The following DOCK1 variants were observed in gnomAD, a reference collection of about 807,000 sequenced individuals.
The protein encoded by DOCK1 is dedicator of cytokinesis protein 1.
In DOCK1, 138 loss-of-function variants were observed where a neutral mutation model predicts 262.7. The ratio of observed to expected loss-of-function variants is 0.53; its 90% CI spans 0.46 to 0.61. The LOEUF is 0.61. Among genes scored for constraint, DOCK1 ranks in the 20% least tolerant of loss-of-function variants. The pLI is 0.00. For synonymous variants in DOCK1, 866 were observed against 867.4 expected (o/e 1.00, Z 0.03); for missense variants, 1,908 against 2,370.7 (o/e 0.80, Z 4.05).
At chr10:127,399,238 C>T (rs1432078992) in intron 38 of DOCK1, among the ~76,000 whole-genome samples, 1 of 152,192 alleles carries the variant, frequency 6.6e-6, no homozygotes, top group Non-Finnish European at 1.5e-5. Flanking sequence ...TGGCAAACCT[C>T]ATAAGCCTGT....
chr10:127,098,661 G>A (rs2048053870), intron 23 of DOCK1, among the ~76,000 whole-genome samples: 1 of 152,138 alleles, frequency 6.6e-6, no homozygotes. Flanking sequence ...CCCTGACCTT[G>A]TCTACCATGG....
At chr10:127,253,874 CAA>C (rs575042004) in intron 28 of DOCK1, among the ~76,000 whole-genome samples, 16 of 101,474 alleles carry the variant, frequency 1.6e-4, no homozygotes, top group South Asian at 5.0e-4. Context: ...GACCCTGTCT[CAA>C]AAAAAAAAAA....
In DOCK1 at chr10:127,018,802, C is replaced by T. The variant is rs1253159583; in HGVS notation, c.1294C>T (p.Arg432Ter). The T allele has an allele frequency of 1.9e-6, 3 of 1,613,784 alleles. No individual in the cohort carries two copies. The highest frequency in any genetic ancestry group is 2.5e-6 in the Non-Finnish European group (3 of 1,179,856). ...HLVDRTTAVA[R>*]KTGFPEIIMP... The stretch of plus-strand genomic sequence containing the variant: ...AGTGGACAGGACCACAGCTGTGGCT[C>T]GAAAAACAGGGTTTCCGGAGATAAT... Residue 432 changes from arginine to a stop codon, truncating the protein, a stop_gained, in exon 13 of 52, where the codon CGA (arginine) becomes TGA (stop). Coordinates refer to ENST00000623213, the MANE Select transcript of DOCK1 (RefSeq NM_001290223.2). LOFTEE classifies it high-confidence loss of function.
intron 22 of DOCK1, among the ~76,000 whole-genome samples, 175 bp from the exon 23 acceptor site, chr10:127,061,493 A>C (rs1021809398): frequency 6.6e-6 from 1 of 152,236 alleles, no homozygotes; most frequent in Non-Finnish European, 1.5e-5. Context: ...GCCTTGGCTG[A>C]GTGGTCTGCA....
chr10:127,188,129 A>T (rs953128931), intron 27 of DOCK1, among the ~76,000 whole-genome samples: 5 of 152,210 alleles, frequency 3.3e-5, no homozygotes, highest in Non-Finnish European at 5.9e-5. Flanking sequence ...CCTGGACATC[A>T]GCCAGGTGTT....
At chr10:127,321,693 G>A (rs767995274) in intron 29 of DOCK1, among the ~76,000 whole-genome samples, 2 of 151,224 alleles carry the variant, frequency 1.3e-5, no homozygotes, top group African/African-American at 2.4e-5. Flanking sequence ...CCTCTGCAGC[G>A]TCCTTCCCTT....
intron 1 of DOCK1, among the ~76,000 whole-genome samples, chr10:126,945,181 C>T (rs1055216252): frequency 0.02 from 2,984 of 152,176 alleles, 98 homozygotes; most frequent in African/African-American, 0.068. Context: ...AGCTGGGCCC[C>T]CAGCTCAGGC....
Position 127,437,505 on chromosome 10 carries a change from A to G in DOCK1, c.5061-1522A>G, listed in dbSNP as rs1591058676. ...TTTTTTTTTTTTTTTTTTTTGAGACAGGATCTGGCTCTGTCACCCAGGCTG... is the reference window on the plus strand; with the variant it reads ...TTTTTTTTTTTTTTTTTTTTGAGACGGGATCTGGCTCTGTCACCCAGGCTG... On this transcript the variant is annotated intron_variant, in intron 48 of 51. Coordinates refer to ENST00000623213, the MANE Select transcript of DOCK1 (RefSeq NM_001290223.2). This position sits in a 1 kb window ranked among gnomAD's most constrained non-coding sequence, Gnocchi z 4.4. 6.8e-6 allele frequency among the ~76,000 whole-genome samples: 1 copy of G among 147,620 alleles called. No homozygotes were observed. The highest frequency in any genetic ancestry group is 2.1e-4 in the South Asian group (1 of 4,674).
chr10:126,926,444 T>C (rs1053741288), intron 1 of DOCK1, among the ~76,000 whole-genome samples: 2 of 152,202 alleles, frequency 1.3e-5, no homozygotes, highest in African/African-American at 4.8e-5. Context: ...TATATTTACA[T>C]GTCAACTTAA....
At chr10:127,280,817 CCTT>C (rs1404340943) in intron 29 of DOCK1, among the ~76,000 whole-genome samples, 1 of 151,998 alleles carries the variant, frequency 6.6e-6, no homozygotes, top group African/African-American at 2.4e-5. Context: ...TTGTTTTTCT[CCTT>C]TTCATTTTTT....
chr10:127,214,096 C>T lies in DOCK1; in HGVS notation c.2848-33912C>T, dbSNP rs1166216553. 4.6e-5 allele frequency among the ~76,000 whole-genome samples: 7 copies of T among 152,168 alleles called. No homozygotes were observed. In the East Asian group the frequency reaches 1.3e-3, roughly 29 times the overall value. On this transcript the variant is annotated intron_variant, in intron 27 of 51. Transcript: ENST00000623213. ...TCACCTGACCTTGTGATCCACTCGC[C>T]TCGGCGTCCCAAAGTGCTGGGGTTA...
chr10:127,107,069 C>T (rs997505702), intron 24 of DOCK1, among the ~76,000 whole-genome samples: 2 of 152,176 alleles, frequency 1.3e-5, no homozygotes, highest in Non-Finnish European at 2.9e-5. Flanking sequence ...GCACCCCTCC[C>T]GCCTCTGCCT....
chr10:127,005,215 G>A (rs767975605), intron 10 of DOCK1, among the ~76,000 whole-genome samples: 4 of 152,022 alleles, frequency 2.6e-5, no homozygotes, highest in South Asian at 2.1e-4. Context: ...TCGTGGTGGC[G>A]CATGCTTGGG....
At chr10:127,291,574 C>T (rs573301847) in intron 29 of DOCK1, among the ~76,000 whole-genome samples, 3 of 152,092 alleles carry the variant, frequency 2.0e-5, no homozygotes, top group Admixed American at 6.5e-5. Flanking sequence ...AGCGCCCTGT[C>T]GGGTCAGTTC....
At position 127,275,582 on chromosome 10, in the gene DOCK1, G is replaced by A. The variant is rs554298648; in HGVS notation, c.3044+18153G>A. Among the ~76,000 whole-genome samples the A allele has an allele frequency of 4.2e-4, 64 of 152,164 alleles. 1 individual carries two copies. Among genetic ancestry groups the A allele is most frequent in the Non-Finnish European group, 8.7e-4 (59 of 68,036 alleles). On this transcript the variant is annotated intron_variant, in intron 29 of 51. Coordinates refer to ENST00000623213, the MANE Select transcript of DOCK1 (RefSeq NM_001290223.2). Reference sequence around the variant, plus strand: ...TTTAGGGCATGTTGGGAACACTGGTGGAGATGAGCGGATGATGGGTGAAGG... The same window carrying A: ...TTTAGGGCATGTTGGGAACACTGGTAGAGATGAGCGGATGATGGGTGAAGG...
chr10:126,949,252 G>A (rs2035953963), intron 1 of DOCK1, among the ~76,000 whole-genome samples: 1 of 152,114 alleles, frequency 6.6e-6, no homozygotes, highest in Admixed American at 6.6e-5. Flanking sequence ...CTCTCCTGCA[G>A]CCCTCTCCCT....
intron 29 of DOCK1, among the ~76,000 whole-genome samples, chr10:127,304,074 G>GC (rs1249907913): frequency 4.6e-5 from 7 of 152,150 alleles, no homozygotes; most frequent in African/African-American, 1.7e-4. Context: ...AGTGGAAAGA[G>GC]CACTGGGCTG....
chr10:126,987,671 G>T, intron 5 of DOCK1, 54 bp downstream of exon 5: 1 of 1,422,170 alleles, frequency 7.0e-7, no homozygotes, highest in South Asian at 1.3e-5. Flanking sequence ...GGGCTTTTTT[G>T]ACCCTGATAT....
intron 13 of DOCK1, 55 bp downstream of exon 13, chr10:127,018,890 G>A (rs1021763364): frequency 1.1e-5 from 17 of 1,602,356 alleles, no homozygotes; most frequent in African/African-American, 8.1e-5. Context: ...AGCCGGCCAC[G>A]GAGGATGACG....
Sources: allele counts gnomAD v4.1 joint callset (sites outside exome capture counted in the v4.1 genomes callset), GRCh38; gene constraint gnomAD v4.1.1; non-coding constraint Gnocchi (gnomAD v3.1); transcripts MANE v1.5; gene names NCBI Gene and HGNC (gene_info 2026-07-23, HGNC 2026-07-21).